The following KMT2C variants were observed in gnomAD, a reference collection of about 807,000 sequenced individuals.
KMT2C encodes the protein lysine methyltransferase 2C.
Under a neutral mutation model 507.9 loss-of-function variants are expected in KMT2C, and 88 were observed. That is an observed-to-expected ratio of 0.17 (90% CI 0.15 to 0.21). The LOEUF (loss-of-function observed/expected upper bound fraction) is 0.21. KMT2C is among the 10% of genes least tolerant of loss of function. The probability of loss-of-function intolerance (pLI) is 1.00; values close to 1 mark genes in which losing one functional copy is unlikely to be tolerated. For missense variants in KMT2C, 4,954 were observed against 5,957.8 expected (o/e 0.83, Z 5.55); for synonymous variants, 2,049 against 2,080.8 (o/e 0.98, Z 0.42).
intron 33 of KMT2C, among the ~76,000 whole-genome samples, chr7:152,186,068 A>C (rs1050551524): frequency 5.3e-5 from 8 of 152,234 alleles, no homozygotes; most frequent in Non-Finnish European, 1.2e-4. Context: ...AACACATGGA[A>C]AAGTAATGAG....
intron 6 of KMT2C, among the ~76,000 whole-genome samples, chr7:152,276,182 TA>T (rs2096076107): frequency 6.6e-6 from 1 of 152,160 alleles, no homozygotes; most frequent in Non-Finnish European, 1.5e-5. Flanking sequence ...CTGTTACAAT[TA>T]AATAGCTAAT....
chr7:152,158,432 A>G (rs766739139), intron 44 of KMT2C, among the ~76,000 whole-genome samples: 19 of 152,092 alleles, frequency 1.2e-4, no homozygotes, highest in Non-Finnish European at 2.6e-4. Context: ...ATACGGTGCA[A>G]TTCTGCTTGG....
chr7:152,195,674 C>T (rs564454450), intron 28 of KMT2C: 198 of 390,916 alleles, frequency 5.1e-4, no homozygotes, highest in Non-Finnish European at 6.4e-4. Flanking sequence ...TTTAAGGCAA[C>T]ATGCCTTAAA....
intron 1 of KMT2C, among the ~76,000 whole-genome samples, chr7:152,386,438 G>A (rs1486288050): frequency 6.6e-6 from 1 of 151,972 alleles, no homozygotes; most frequent in African/African-American, 2.4e-5. Flanking sequence ...CTTAGCACTG[G>A]TGGCAAAAAC....
chr7:152,341,374 T>C (rs2096990062), intron 2 of KMT2C, among the ~76,000 whole-genome samples: 1 of 152,236 alleles, frequency 6.6e-6, no homozygotes, highest in Non-Finnish European at 1.5e-5. Context: ...AAATTATGTA[T>C]GGCTTATCAA....
At position 152,180,020 on chromosome 7, in the gene KMT2C, G is replaced by C. The variant is rs1563275588; in HGVS notation, c.7256C>G (p.Pro2419Arg). The change falls in exon 37 of 59, where the codon CCT becomes CGT. Residue 2419 changes from proline (P) to arginine (R), a missense_variant. Pro to Arg is a moderately radical substitution (Grantham distance 103, BLOSUM62 -2). Transcript: ENST00000262189. ...QDSPAVPHPG[P>R]LQHWQPENVN... ...ATTCTCTGGTTGCCAGTGTTGAAGA[G>C]GCCCTGGATGAGGCACTGCGGGTGA... The C allele has an allele frequency of 6.2e-7, 1 of 1,614,140 alleles. No individual in the cohort carries two copies. Among genetic ancestry groups the C allele is most frequent in the Non-Finnish European group, 8.5e-7 (1 of 1,180,030 alleles).
chr7:152,246,154 T>C (rs113706154), intron 14 of KMT2C, among the ~76,000 whole-genome samples: 1 of 152,212 alleles, frequency 6.6e-6, no homozygotes. Flanking sequence ...ATCTATCTTG[T>C]ACTATTCAAT....
chr7:152,193,090 C>T (rs893251217), intron 31 of KMT2C, among the ~76,000 whole-genome samples: 1 of 152,118 alleles, frequency 6.6e-6, no homozygotes, highest in Non-Finnish European at 1.5e-5. Flanking sequence ...ACAGTAGGAT[C>T]GCTTGAGCCC....
At chr7:152,398,651 C>T (rs1013783452) in intron 1 of KMT2C, among the ~76,000 whole-genome samples, 9 of 150,874 alleles carry the variant, frequency 6.0e-5, no homozygotes, top group African/African-American at 2.2e-4. Flanking sequence ...CCTCCTACCT[C>T]GGCCTTCCCA....
chr7:152,256,281 A>G (rs2095660730), intron 9 of KMT2C, among the ~76,000 whole-genome samples: 2 of 151,112 alleles, frequency 1.3e-5, no homozygotes, highest in South Asian at 4.2e-4. Flanking sequence ...CAGAAGCAAA[A>G]GAAGATTAAT....
At chr7:152,244,438 T>C (rs926991716) in intron 14 of KMT2C, among the ~76,000 whole-genome samples, 6 of 152,166 alleles carry the variant, frequency 3.9e-5, no homozygotes, top group African/African-American at 1.4e-4. Flanking sequence ...CCCAGCACTC[T>C]GGGAGACCCG....
intron 1 of KMT2C, among the ~76,000 whole-genome samples, chr7:152,434,893 G>C (rs1214627081): frequency 6.6e-6 from 1 of 152,076 alleles, no homozygotes; most frequent in Non-Finnish European, 1.5e-5. Context: ...AAGTGCTCTT[G>C]GTATTCTGCC....
intron 36 of KMT2C, 142 bp downstream of exon 36, chr7:152,180,569 A>G (rs549060059): frequency 7.8e-6 from 5 of 641,198 alleles, no homozygotes; most frequent in East Asian, 2.9e-5. Context: ...CATCAATTTC[A>G]TTTTTCTTTT....
Position 152,182,189 on chromosome 7 carries a change from G to A in KMT2C, c.5671C>T (p.Pro1891Ser), listed in dbSNP as rs760122312. The stretch of plus-strand genomic sequence containing the variant: ...GCATATGGATCCATTGGAGATGGTG[G>A]TCGTGAGTTAGAGGACCCAGGTGAA... The part of the protein sequence containing the change: ...VFSPGSSNSR[P>S]PSPMDPYAKM... The change falls in exon 36 of 59, where the codon CCA (proline) becomes TCA (serine). Residue 1891 changes from proline (P) to serine (S), a missense_variant. Pro to Ser is a moderately conservative substitution (Grantham distance 74). Around this residue, in one of 29 missense-constraint regions of KMT2C, gnomAD observed 1,689 missense variants for 1,654.3 expected, o/e 1.02. Coordinates refer to ENST00000262189, the MANE Select transcript of KMT2C (RefSeq NM_170606.3). 1 of 1,614,188 alleles carries A rather than the reference G, an allele frequency of 6.2e-7. No individual in the cohort carries two copies. The highest frequency in any genetic ancestry group is 1.1e-5 in the South Asian group (1 of 91,080).
chr7:152,171,120 T>C, intron 40 of KMT2C, 144 bp downstream of exon 40: 1 of 460,130 alleles, frequency 2.2e-6, no homozygotes, highest in Non-Finnish European at 3.8e-6. Flanking sequence ...TTTTTGCCAC[T>C]GGCAAATGGC....
At chr7:152,335,762 CTA>C (rs1157910881) in intron 2 of KMT2C, among the ~76,000 whole-genome samples, 1 of 152,112 alleles carries the variant, frequency 6.6e-6, no homozygotes, top group Non-Finnish European at 1.5e-5. Context: ...AGGACAATGT[CTA>C]TCTCTCCCTC....
rs1190783540 is a variant in KMT2C, at chr7:152,138,102, GGAA to G, written c.14643+691_14643+693del. ...CCTGCTGCTCAGTGACAGCTTTCCA[GGAA>G]ATGCCAATTCCAGAACCAAGGTACC... On this transcript the variant is annotated intron_variant, in intron 58 of 58. Transcript: ENST00000262189. This position sits in a 1 kb window ranked among gnomAD's most constrained non-coding sequence, Gnocchi z 4.2. The G allele has an allele frequency of 6.6e-6, 1 of 152,236 alleles. No homozygotes were observed. The highest frequency in any genetic ancestry group is 1.5e-5 in the Non-Finnish European group (1 of 68,052). The allele number at this position is 152,236 out of a possible 1,614,324, so 9.4% of individuals were successfully genotyped here.
intron 2 of KMT2C, among the ~76,000 whole-genome samples, chr7:152,333,609 C>T (rs1006705060): frequency 4.6e-5 from 7 of 152,116 alleles, no homozygotes; most frequent in African/African-American, 7.2e-5. Flanking sequence ...TATCTCTTAT[C>T]GCTCAGATTA....
chr7:152,279,107 T>C (rs1008985465), intron 6 of KMT2C, among the ~76,000 whole-genome samples: 5 of 152,160 alleles, frequency 3.3e-5, no homozygotes, highest in Non-Finnish European at 5.9e-5. Context: ...CTAGGTTATA[T>C]TCAGTAAAAG....
Sources: gnomAD v4.1 joint callset for allele counts (sites outside exome capture counted in the v4.1 genomes callset) on GRCh38, gnomAD v4.1.1 for gene constraint, gnomAD v4.1.1 regional missense constraint, Gnocchi (gnomAD v3.1) non-coding constraint, MANE v1.5 for transcripts, NCBI Gene and HGNC (gene_info 2026-07-23, HGNC 2026-07-21) for gene names.